TGIF2: variants seen among roughly 807,000 people sequenced by gnomAD.
TGIF2 encodes the protein homeobox protein TGIF2.
A neutral mutation model predicts 15.1 loss-of-function variants in TGIF2; 5 were observed. The ratio of observed to expected loss-of-function variants is 0.33; its 90% CI spans 0.17 to 0.70. The LOEUF (loss-of-function observed/expected upper bound fraction) is 0.70, where lower values mean the gene tolerates loss of function less well. Among genes scored for constraint, TGIF2 ranks in the 30% least tolerant of loss-of-function variants. The pLI, the probability that TGIF2 is intolerant of heterozygous loss-of-function variation, is 0.67. For synonymous variants in TGIF2, 131 were observed against 128.9 expected (o/e 1.02, Z -0.11); for missense variants, 264 against 302.5 (o/e 0.87, Z 0.94).
chr20:36,584,861 T>A (rs1409271062), intron 2 of TGIF2, among the ~76,000 whole-genome samples: 1 of 152,186 alleles, frequency 6.6e-6, no homozygotes, highest in African/African-American at 2.4e-5. Context: ...TTTAATTTTT[T>A]AAATTTCATT....
At chr20:36,574,198 G>T (rs546044922) in intron 1 of TGIF2, among the ~76,000 whole-genome samples, 1 of 151,818 alleles carries the variant, frequency 6.6e-6, no homozygotes, top group Non-Finnish European at 1.5e-5. Flanking sequence ...GGCCCGGAGC[G>T]GGGGGGCCCT....
intron 2 of TGIF2, among the ~76,000 whole-genome samples, chr20:36,587,712 A>T (rs1288076758): frequency 1.3e-5 from 2 of 152,086 alleles, no homozygotes; most frequent in African/African-American, 4.8e-5. Flanking sequence ...TTCAAGGGAG[A>T]TCATCATATA....
At chr20:36,585,220 A>C (rs551571075) in intron 2 of TGIF2, among the ~76,000 whole-genome samples, 1 of 151,774 alleles carries the variant, frequency 6.6e-6, no homozygotes, top group East Asian at 1.9e-4. Context: ...GAAAAAAGCT[A>C]GGCACAGTGT....
rs190981291 is a variant in TGIF2, at chr20:36,588,010, C to T, written c.193-2900C>T. Among the ~76,000 whole-genome samples the T allele has an allele frequency of 2.6e-3, 388 of 151,034 alleles. 2 individuals are homozygous for T. The highest frequency in any genetic ancestry group is 8.9e-3 in the African/African-American group (367 of 41,096). Reference sequence around the variant, plus strand: ...ACCTAAACCCAGGAGGTCAAGGCTACAGTGAACTGTGATTCCACCACTGCA... The same window carrying T: ...ACCTAAACCCAGGAGGTCAAGGCTATAGTGAACTGTGATTCCACCACTGCA... On this transcript the variant is annotated intron_variant, in intron 2 of 2. Coordinates refer to ENST00000373872, the MANE Select transcript of TGIF2 (RefSeq NM_021809.7).
At chr20:36,580,577 C>T (rs1485029430) in intron 2 of TGIF2, among the ~76,000 whole-genome samples, 2 of 151,910 alleles carry the variant, frequency 1.3e-5, no homozygotes, top group Non-Finnish European at 2.9e-5. Flanking sequence ...TTTAGGAGAC[C>T]AAGGTAGGAG....
intron 2 of TGIF2, among the ~76,000 whole-genome samples, chr20:36,584,118 C>T (rs2038603151): frequency 6.6e-6 from 1 of 152,142 alleles, no homozygotes; most frequent in Admixed American, 6.6e-5. Context: ...ATGACATCAC[C>T]GGCCCGTGTC....
intron 1 of TGIF2, among the ~76,000 whole-genome samples, chr20:36,574,120 G>C (rs1050144469): frequency 6.6e-6 from 1 of 151,578 alleles, no homozygotes; most frequent in South Asian, 2.1e-4. Context: ...CGCCAGCAGG[G>C]CCCCCCCGCC....
Position 36,578,766 on chromosome 20 carries a change from C to G in TGIF2, c.-9C>G. ...GTTTACCCAAGGTCCAGCCTAGCCCCTAGGCACCATGTCGGACAGTGATCT... is the reference window on the plus strand; with the variant it reads ...GTTTACCCAAGGTCCAGCCTAGCCCGTAGGCACCATGTCGGACAGTGATCT... On this transcript the variant is annotated 5_prime_UTR_variant, in exon 2 of 3. Transcript: ENST00000373872. 6.2e-7 allele frequency: 1 copy of G among 1,607,916 alleles called. No homozygotes were observed. The highest frequency in any genetic ancestry group is 1.1e-5 in the South Asian group (1 of 90,172).
At chr20:36,587,776 T>A (rs549391405) in intron 2 of TGIF2, among the ~76,000 whole-genome samples, 34 of 151,972 alleles carry the variant, frequency 2.2e-4, no homozygotes, top group Non-Finnish European at 4.3e-4. Context: ...ATGTGAATAG[T>A]GCCTGAGGCC....
chr20:36,591,468 C>T lies in TGIF2; in HGVS notation c.*37C>T, dbSNP rs765494940. 9 of 1,558,888 alleles carry T rather than the reference C, an allele frequency of 5.8e-6. No individual in the cohort carries two copies. Among genetic ancestry groups the T allele is most frequent in the South Asian group, 2.4e-5 (2 of 84,112 alleles). ...GAAGGGTGCTGAAGGCTCCAGCCAG[C>T]TGTCCTGGGTTTCCGTTTTGGTTCC... On this transcript the variant is annotated 3_prime_UTR_variant, in exon 3 of 3. Transcript: ENST00000373872. The surrounding 1 kb of genome is among the most constrained non-coding windows in gnomAD (Gnocchi z 5.3).
intron 2 of TGIF2, among the ~76,000 whole-genome samples, chr20:36,581,345 CTT>C (rs1229640724): frequency 1.3e-5 from 2 of 152,150 alleles, no homozygotes; most frequent in Non-Finnish European, 2.9e-5. Flanking sequence ...TGGACAGCCT[CTT>C]TGCGGGTCTC....
chr20:36,577,270 G>C (rs1009107229), intron 1 of TGIF2, among the ~76,000 whole-genome samples: 1 of 151,934 alleles, frequency 6.6e-6, no homozygotes, highest in African/African-American at 2.4e-5. Flanking sequence ...CATGATCTCA[G>C]CTCACTGCAA....
intron 1 of TGIF2, chr20:36,574,886 G>A (rs2038391684): frequency 6.5e-6 from 1 of 153,302 alleles, no homozygotes; most frequent in African/African-American, 2.4e-5. Flanking sequence ...GGACCAGCTA[G>A]GGGAGTTGTC....
chr20:36,591,663 G>C lies in TGIF2; in HGVS notation c.*232G>C, dbSNP rs1242136801. The C allele has an allele frequency of 1.1e-5, 5 of 459,624 alleles. No individual in the cohort carries two copies. The South Asian group carries it at 2.0e-4, about 19-fold the overall frequency. The allele number at this position is 459,624 out of a possible 1,614,324, so 28.5% of individuals were successfully genotyped here. ...GGCCTCCGCTCAGTGATGAGACCAA[G>C]AGATCGGAGACAAGCATGGTGCTGC... On this transcript the variant is annotated 3_prime_UTR_variant, in exon 3 of 3. Coordinates refer to ENST00000373872, the MANE Select transcript of TGIF2 (RefSeq NM_021809.7). The surrounding 1 kb of genome is among the most constrained non-coding windows in gnomAD (Gnocchi z 5.3).
intron 1 of TGIF2, among the ~76,000 whole-genome samples, chr20:36,576,797 C>T (rs771567538): frequency 3.3e-5 from 5 of 152,094 alleles, no homozygotes; most frequent in South Asian, 2.1e-4. Flanking sequence ...CCTCTGCCTC[C>T]GGGCTCAAGC....
chr20:36,578,628 G>C, intron 1 of TGIF2, 113 bp from the exon 2 acceptor site: 1 of 1,202,848 alleles, frequency 8.3e-7, no homozygotes. Context: ...ATTCTGAATT[G>C]CAACTACCCC....
intron 2 of TGIF2, among the ~76,000 whole-genome samples, chr20:36,579,264 C>T (rs537947234): frequency 2.0e-5 from 3 of 152,148 alleles, no homozygotes; most frequent in South Asian, 2.1e-4. Context: ...CTCCGCCTCC[C>T]GGGTTCGAGT....
At chr20:36,586,895 C>T (rs1380962299) in intron 2 of TGIF2, among the ~76,000 whole-genome samples, 1 of 152,182 alleles carries the variant, frequency 6.6e-6, no homozygotes, top group Non-Finnish European at 1.5e-5. Context: ...AGCATCACAG[C>T]CTTTGTCAGC....
At chr20:36,585,849 G>T (rs1048018492) in intron 2 of TGIF2, among the ~76,000 whole-genome samples, 1 of 152,176 alleles carries the variant, frequency 6.6e-6, no homozygotes, top group Non-Finnish European at 1.5e-5. Flanking sequence ...GATATACCAC[G>T]TGCCAGGCCC....
Sources: gnomAD v4.1 joint callset for allele counts (sites outside exome capture counted in the v4.1 genomes callset) on GRCh38, gnomAD v4.1.1 for gene constraint, Gnocchi (gnomAD v3.1) non-coding constraint, MANE v1.5 for transcripts, NCBI Gene and HGNC (gene_info 2026-07-23, HGNC 2026-07-21) for gene names.